Variants in PPP1R10 observed in about 807,000 individuals in gnomAD.
PPP1R10 encodes serine/threonine-protein phosphatase 1 regulatory subunit 10.
In PPP1R10, 15 loss-of-function variants were observed where a neutral mutation model predicts 99.0. The ratio of observed to expected loss-of-function variants is 0.15; its 90% confidence interval spans 0.10 to 0.23. PPP1R10 has a LOEUF of 0.23. Ranked by LOEUF, PPP1R10 falls within the 10% of genes least tolerant of loss-of-function variation. The pLI is 1.00. For missense variants in PPP1R10, 947 were observed against 1,259.4 expected (o/e 0.75, Z 3.75); for synonymous variants, 430 against 449.5 (o/e 0.96, Z 0.55).
rs1803953281 is a variant in PPP1R10, at chr6:30,606,413, G to A, written c.634+55C>T. On this transcript the variant is annotated intron_variant, in intron 8 of 19. Coordinates refer to ENST00000376511, the MANE Select transcript of PPP1R10 (RefSeq NM_002714.4). The surrounding 1 kb of genome is among the most constrained non-coding windows in gnomAD (Gnocchi z 6.3). ...CACACATCAAATGATTCCCCCATAA[G>A]GCTCTGGGTGTGCACATGCCCATGA... 6.3e-7 allele frequency: 1 copy of A among 1,599,634 alleles called. No individual in the cohort carries two copies. The highest frequency in any genetic ancestry group is 1.7e-5 in the Admixed American group (1 of 59,154).
chr6:30,604,825 G>A lies in PPP1R10; in HGVS notation c.955-90C>T. 2 of 1,572,644 alleles carry A rather than the reference G, an allele frequency of 1.3e-6. No homozygotes were observed. The highest frequency in any genetic ancestry group is 2.2e-5 in the South Asian group (2 of 90,208). On this transcript the variant is annotated intron_variant, in intron 11 of 19. Transcript: ENST00000376511. The surrounding 1 kb of genome is among the most constrained non-coding windows in gnomAD (Gnocchi z 7.3). ...GGGTCCCAGGCACAGTCCCCCAACAGTTCCTATATAAAGGAAGACTCTGTC... is the reference window on the plus strand; with the variant it reads ...GGGTCCCAGGCACAGTCCCCCAACAATTCCTATATAAAGGAAGACTCTGTC...
At chr6:30,612,811 A>G (rs1324637483) in intron 2 of PPP1R10, among the ~76,000 whole-genome samples, 2 of 152,214 alleles carry the variant, frequency 1.3e-5, no homozygotes, top group African/African-American at 4.8e-5. Context: ...TTTCGGGCAC[A>G]GGGCTACAGC....
chr6:30,601,534 G>A lies in PPP1R10; in HGVS notation c.*15C>T, dbSNP rs199972723. ...AGTCCACAGGGGTTGTGTGAACAGG[G>A]CAGGCAAATGGTCCCTAGGGCAGGG... On this transcript the variant is annotated 3_prime_UTR_variant, in exon 20 of 20. Transcript: ENST00000376511. 25 of 1,607,300 alleles carry A rather than the reference G, an allele frequency of 1.6e-5. No individual in the cohort carries two copies. In the African/African-American group the frequency reaches 2.7e-4, roughly 17 times the overall value.
rs1760568565 is a variant in PPP1R10, at chr6:30,616,538, A to T, written c.-72T>A. The T allele has an allele frequency of 6.6e-6, 1 of 152,134 alleles. No individual in the cohort carries two copies. Among genetic ancestry groups the T allele is most frequent in the Non-Finnish European group, 1.5e-5 (1 of 68,004 alleles). The allele number at this position is 152,134 out of a possible 1,614,324, so 9.4% of individuals were successfully genotyped here. A position where few individuals can be genotyped will look rare whatever the true frequency, so the allele number is the denominator to read the frequency against. On this transcript the variant is annotated 5_prime_UTR_variant, in exon 2 of 20. Transcript: ENST00000376511. ...CAGGGGGGAGGGGGTAAAATTTTGG[A>T]GGAAAAAAAATAAAACAACCAACCA...
At chr6:30,613,878 A>G (rs1051347143) in intron 2 of PPP1R10, among the ~76,000 whole-genome samples, 1 of 151,198 alleles carries the variant, frequency 6.6e-6, no homozygotes, top group Non-Finnish European at 1.5e-5. Context: ...AAACAAAACA[A>G]AACAAAAAAA....
At position 30,609,891 on chromosome 6, in the gene PPP1R10, G is replaced by A. The variant is rs1320103117; in HGVS notation, c.54C>T (p.Phe18=). 6.2e-7 allele frequency: 1 copy of A among 1,613,994 alleles called. No homozygotes were observed. The highest frequency in any genetic ancestry group is 2.2e-5 in the East Asian group (1 of 44,902). ...TTTTGACTTCCCCATCTCGGTTAAG[G>A]AAGCTGTCCAGGCCCTTGAGAAGTT... is the stretch of plus-strand genomic sequence containing the variant. ...PKELLKGLDS[F]LNRDGEVKSV... is the part of the protein sequence containing the mutation. The change falls in exon 3 of 20, where the codon TTC becomes TTT. Residue 18 remains phenylalanine, a synonymous_variant. Coordinates refer to ENST00000376511, the MANE Select transcript of PPP1R10 (RefSeq NM_002714.4). This position sits in a 1 kb window ranked among gnomAD's most constrained non-coding sequence, Gnocchi z 4.5.
Position 30,602,340 on chromosome 6 carries a change from T to C in PPP1R10, c.2309A>G (p.His770Arg). 6.2e-7 allele frequency: 1 copy of C among 1,611,788 alleles called. No homozygotes were observed. The highest frequency in any genetic ancestry group is 1.3e-5 in the African/African-American group (1 of 74,508). Residue 770 changes from histidine to arginine, a missense_variant, in exon 19 of 20, where the codon CAC (histidine) becomes CGC (arginine). Coordinates refer to ENST00000376511, the MANE Select transcript of PPP1R10 (RefSeq NM_002714.4). The surrounding 1 kb of genome is among the most constrained non-coding windows in gnomAD (Gnocchi z 6.7). Reference protein sequence around the residue: ...GMGNSSGHRPHEGPGGGMGSG... With the variant: ...GMGNSSGHRPREGPGGGMGSG... ...TCCCATGCCACCGCCAGGGCCTTCG[T>C]GGGGACGATGTCCACTGCTGTTGCC...
chr6:30,613,898 C>G (rs1804808123), intron 2 of PPP1R10, among the ~76,000 whole-genome samples: 1 of 152,128 alleles, frequency 6.6e-6, no homozygotes, highest in Admixed American at 6.5e-5. Context: ...AGCTTGTAGT[C>G]AACAGACATG....
At position 30,604,064 on chromosome 6, in the gene PPP1R10, A is replaced by G. The variant is rs546364135; in HGVS notation, c.1452T>C (p.Tyr484=). ...VTPGSNSQER[Y]IQAEREKGIL... is the part of the protein sequence containing the mutation. ...TTCCCTTCTCCCGCTCAGCCTGGAT[A>G]TATCGCTCCTGACTATTGCTTCCAG... Residue 484 remains tyrosine, a synonymous_variant, in exon 14 of 20, where the codon TAT becomes TAC. Coordinates refer to ENST00000376511, the MANE Select transcript of PPP1R10 (RefSeq NM_002714.4). The surrounding 1 kb of genome is among the most constrained non-coding windows in gnomAD (Gnocchi z 7.3). 1.2e-6 allele frequency: 2 copies of G among 1,613,848 alleles called. No individual in the cohort carries two copies. Among genetic ancestry groups the G allele is most frequent in the East Asian group, 2.2e-5 (1 of 44,856 alleles).
chr6:30,603,184 C>G (rs1392316611), intron 17 of PPP1R10, 26 bp downstream of exon 17: 2 of 1,593,062 alleles, frequency 1.3e-6, no homozygotes, highest in Non-Finnish European at 1.7e-6. Context: ...CTCCCCCAGT[C>G]CCCTGGGGCT....
Position 30,602,335 on chromosome 6 carries a change from C to G in PPP1R10, c.2314G>C (p.Gly772Arg), listed in dbSNP as rs142155444. 2 of 1,612,910 alleles carry G rather than the reference C, an allele frequency of 1.2e-6. No individual in the cohort carries two copies. Among genetic ancestry groups the G allele is most frequent in the Non-Finnish European group, 1.7e-6 (2 of 1,179,990 alleles). Residue 772 changes from glycine to arginine, a missense_variant, in exon 19 of 20, where the codon GGC (glycine) becomes CGC (arginine). Around this residue, in one of 10 missense-constraint regions of PPP1R10, gnomAD observed 525 missense variants for 578.8 expected, o/e 0.91. Coordinates refer to ENST00000376511, the MANE Select transcript of PPP1R10 (RefSeq NM_002714.4). This position sits in a 1 kb window ranked among gnomAD's most constrained non-coding sequence, Gnocchi z 6.7. Reference protein sequence around the residue: ...GNSSGHRPHEGPGGGMGSGHR... With the variant: ...GNSSGHRPHERPGGGMGSGHR... ...CCACTTCCCATGCCACCGCCAGGGC[C>G]TTCGTGGGGACGATGTCCACTGCTG...
Position 30,609,007 on chromosome 6 carries a change from G to C in PPP1R10, c.194+70C>G. On this transcript the variant is annotated intron_variant, in intron 4 of 19. Transcript: ENST00000376511. The surrounding 1 kb of genome is among the most constrained non-coding windows in gnomAD (Gnocchi z 4.5). ...TCCCAGTCTCCCATCAATGACCGAG[G>C]AACCCCATGCCTCACCGCCCCATCT... 1.9e-6 allele frequency: 3 copies of C among 1,610,776 alleles called. No homozygotes were observed. Among genetic ancestry groups the C allele is most frequent in the Non-Finnish European group, 2.5e-6 (3 of 1,177,220 alleles).
chr6:30,608,695 T>TG (rs1381975217), intron 5 of PPP1R10, 84 bp downstream of exon 5: 2 of 1,476,110 alleles, frequency 1.4e-6, no homozygotes, highest in Middle Eastern at 1.9e-4. Flanking sequence ...GGCCCAAGAT[T>TG]ACAGCCACAT....
intron 10 of PPP1R10, 76 bp from the exon 11 acceptor site, chr6:30,605,170 A>G: frequency 1.5e-6 from 2 of 1,354,178 alleles, no homozygotes; most frequent in Non-Finnish European, 2.1e-6. Flanking sequence ...CAGTCCAGGC[A>G]TAAAATGAGC....
In PPP1R10 at chr6:30,603,665, T is replaced by C; in HGVS notation, c.1574A>G (p.Glu525Gly). Residue 525 changes from glutamate (E) to glycine (G), a missense_variant and splice_region_variant, in exon 16 of 20, where the codon GAG (glutamate) becomes GGG (glycine). This residue lies in a region of PPP1R10 where 525 missense variants were observed against 578.8 expected (regional missense o/e 0.91). Coordinates refer to ENST00000376511, the MANE Select transcript of PPP1R10 (RefSeq NM_002714.4). ...ATACGGAGTCTCATCCATGGAACAC[T>C]CCTGAAAGAAGAACAAAAAAAATCA... ...IPPKLIPLDEECSMDETPYVE... is the reference protein window; with the variant it reads ...IPPKLIPLDEGCSMDETPYVE... 6.3e-7 allele frequency: 1 copy of C among 1,579,002 alleles called. No homozygotes were observed.
At chr6:30,612,962 C>T (rs1334841296) in intron 2 of PPP1R10, among the ~76,000 whole-genome samples, 1 of 152,154 alleles carries the variant, frequency 6.6e-6, no homozygotes, top group African/African-American at 2.4e-5. Context: ...ATGATTATGT[C>T]TTCTTTTAAT....
At chr6:30,613,829 T>C (rs936634161) in intron 2 of PPP1R10, among the ~76,000 whole-genome samples, 1 of 152,098 alleles carries the variant, frequency 6.6e-6, no homozygotes, top group South Asian at 2.1e-4. Context: ...CCAAGGAAGA[T>C]ATGCTGCAGA....
At position 30,602,196 on chromosome 6, in the gene PPP1R10, C is replaced by T; in HGVS notation, c.2453G>A (p.Gly818Asp). ...SGGSGHRPHE[G>D]PGGGMGAGGG... ...ACCGGCACCCATTCCTCCGCCAGGG[C>T]CTTCATGGGGACGATGGCCACTGCC... The change falls in exon 19 of 20, where the codon GGC becomes GAC. Residue 818 changes from glycine (G) to aspartate (D), a missense_variant. Physicochemically the swap from Gly to Asp is moderately conservative, Grantham distance 94 (BLOSUM62 -1). Around this residue, in one of 10 missense-constraint regions of PPP1R10, gnomAD observed 525 missense variants for 578.8 expected, o/e 0.91. Transcript: ENST00000376511. This position sits in a 1 kb window ranked among gnomAD's most constrained non-coding sequence, Gnocchi z 6.7. 6.2e-7 allele frequency: 1 copy of T among 1,611,256 alleles called. No individual in the cohort carries two copies. The highest frequency in any genetic ancestry group is 8.5e-7 in the Non-Finnish European group (1 of 1,179,260).
intron 2 of PPP1R10, among the ~76,000 whole-genome samples, chr6:30,612,977 T>C (rs1413672230): frequency 2.0e-5 from 3 of 151,916 alleles, no homozygotes; most frequent in East Asian, 3.9e-4. Flanking sequence ...TTTAATGAGC[T>C]GCTATTTTCT....
Sources: gnomAD v4.1 joint callset for allele counts (sites outside exome capture counted in the v4.1 genomes callset) on GRCh38, gnomAD v4.1.1 for gene constraint, gnomAD v4.1.1 regional missense constraint, Gnocchi (gnomAD v3.1) non-coding constraint, MANE v1.5 for transcripts, NCBI Gene and HGNC (gene_info 2026-07-23, HGNC 2026-07-21) for gene names.